Variants in USP9X observed in about 807,000 individuals in gnomAD.
The protein encoded by USP9X is ubiquitin carboxyl-terminal hydrolase 9X.
A neutral mutation model predicts 190.3 loss-of-function variants in USP9X; 7 were observed. The ratio of observed to expected loss-of-function variants is 0.04; its 90% CI spans 0.02 to 0.07. The LOEUF is 0.07. Ranked by LOEUF, USP9X falls within the 10% of genes least tolerant of loss-of-function variation. The pLI is 1.00. For synonymous variants in USP9X, 645 were observed against 659.5 expected (o/e 0.98, Z 0.34); for missense variants, 1,010 against 1,916.9 (o/e 0.53, Z 8.83).
chrX:41,218,241 A>G lies in USP9X; in HGVS notation c.6210-131A>G, dbSNP rs762679006. 10 of 580,840 alleles carry G rather than the reference A, an allele frequency of 1.7e-5. No homozygotes were observed. In the South Asian group the frequency reaches 2.2e-4, roughly 13 times the overall value. 47.9% of individuals were successfully genotyped at this position (580,840 alleles called of 1,213,427 possible). ...ATCTATTGTTTTAATATTAGAAGCA[A>G]CCTTTGCTGGTTCTCTCCAGCAGTA... On this transcript the variant is annotated intron_variant, in intron 36 of 44. Coordinates refer to ENST00000378308, the MANE Select transcript of USP9X (RefSeq NM_001039591.3).
At chrX:41,223,175 T>G (rs774341364) in intron 38 of USP9X, 42 bp from the exon 39 acceptor site, 2 of 1,163,082 alleles carry the variant, frequency 1.7e-6, no homozygotes, top group Admixed American at 5.3e-5. Context: ...CTCATATTTT[T>G]CTCCCTCTCT....
intron 4 of USP9X, 118 bp downstream of exon 4, chrX:41,131,654 G>T: frequency 1.9e-6 from 1 of 531,394 alleles, no homozygotes; most frequent in Non-Finnish European, 2.9e-6. Context: ...ACTGCAGCTT[G>T]CAAGGAGGGG....
rs757553294 is a variant in USP9X at position 41,140,725 on chromosome X, A to C, written c.724A>C (p.Ile242Leu). The C allele has an allele frequency of 1.7e-6, 2 of 1,203,921 alleles. No homozygotes were observed. Among genetic ancestry groups the C allele is most frequent in the Middle Eastern group, 2.3e-4 (1 of 4,339 alleles). Residue 242 changes from isoleucine to leucine, a missense_variant, in exon 7 of 45, where the codon ATT (isoleucine) becomes CTT (leucine). Coordinates refer to ENST00000378308, the MANE Select transcript of USP9X (RefSeq NM_001039591.3). ...GTTCCAGATTTTGCATGATCGTTTT[A>C]TTAATGGATCAGCATTAAACGTTCA... ...NGFQILHDRF[I>L]NGSALNVQII...
intron 33 of USP9X, among the ~76,000 whole-genome samples, chrX:41,210,972 T>C (rs1202967931): frequency 9.0e-6 from 1 of 111,151 alleles, no homozygotes; most frequent in Non-Finnish European, 1.9e-5. Context: ...CCTTTTTCTT[T>C]TCCTTTCTCT....
intron 1 of USP9X, among the ~76,000 whole-genome samples, chrX:41,111,016 AG>A (rs2062104766): frequency 9.0e-6 from 1 of 110,861 alleles, no homozygotes; most frequent in Non-Finnish European, 1.9e-5. Context: ...GGGAAGGGAG[AG>A]ATTTGACTTT....
chrX:41,187,860 A>C, intron 24 of USP9X, 132 bp from the exon 25 acceptor site: 1 of 612,349 alleles, frequency 1.6e-6, no homozygotes, highest in Non-Finnish European at 2.3e-6. Flanking sequence ...AGACAAAGGC[A>C]ACTTGGGAAT....
chrX:41,200,041 TAAG>T (rs758151632), intron 30 of USP9X, among the ~76,000 whole-genome samples: 3 of 112,009 alleles, frequency 2.7e-5, no homozygotes, highest in East Asian at 2.8e-4. Flanking sequence ...TTAGAACACT[TAAG>T]AATATAATTG....
intron 21 of USP9X, among the ~76,000 whole-genome samples, chrX:41,177,615 C>T (rs1029896883): frequency 8.9e-6 from 1 of 111,964 alleles, no homozygotes; most frequent in Non-Finnish European, 1.9e-5. Flanking sequence ...TTTGAGACTT[C>T]GTAACTATCT....
intron 12 of USP9X, among the ~76,000 whole-genome samples, chrX:41,149,925 C>T (rs1427270308): frequency 9.0e-6 from 1 of 110,561 alleles, no homozygotes; most frequent in Non-Finnish European, 1.9e-5. Context: ...AGGCTGGTCT[C>T]GAACTCCTGA....
In USP9X at chrX:41,188,068, T is replaced by C; in HGVS notation, c.3761T>C (p.Leu1254Ser). 8.3e-7 allele frequency: 1 copy of C among 1,210,131 alleles called. No individual in the cohort carries two copies. Among genetic ancestry groups the C allele is most frequent in the African/African-American group, 1.7e-5 (1 of 57,813 alleles). ...ATCTGGGCATCAGGATGTGGGTCGT[T>C]ACAGCTAGTATTTAGCCCAAATGAA... The part of the protein sequence containing the change: ...KIIWASGCGS[L>S]QLVFSPNEEI... Residue 1254 changes from leucine to serine, a missense_variant, in exon 25 of 45, where the codon TTA becomes TCA. Coordinates refer to ENST00000378308, the MANE Select transcript of USP9X (RefSeq NM_001039591.3).
Position 41,170,079 on chromosome X carries a change from T to C in USP9X, c.2721T>C (p.His907=). ...RQVDDLEVWS[H]TNDTIGSVRR... ...TTGATGACTTGGAGGTATGGTCTCA[T>C]ACAAATGATACAATTGGTTCAGTAC... Residue 907 remains histidine (H), a synonymous_variant, in exon 19 of 45, where the codon CAT becomes CAC. Transcript: ENST00000378308. 8.3e-7 allele frequency: 1 copy of C among 1,211,479 alleles called. No homozygotes were observed. Among genetic ancestry groups the C allele is most frequent in the Non-Finnish European group, 1.1e-6 (1 of 895,434 alleles).
At position 41,184,438 on chromosome X, in the gene USP9X, T is replaced by C; in HGVS notation, c.3321T>C (p.Ala1107=). ...TAATGCCTGCTGGTGCACCTCTGGC[T>C]GATGATTCCTCTGATTTTCAGTTTC... ...ALLMPAGAPL[A]DDSSDFQFHF... is the part of the protein sequence containing the mutation. Residue 1107 remains alanine, a synonymous_variant, in exon 23 of 45, where the codon GCT becomes GCC. Transcript: ENST00000378308. 1.7e-6 allele frequency: 2 copies of C among 1,211,527 alleles called. No homozygotes were observed. Among genetic ancestry groups the C allele is most frequent in the Non-Finnish European group, 2.2e-6 (2 of 895,460 alleles).
chrX:41,184,991 T>G (rs1475181219), intron 23 of USP9X, among the ~76,000 whole-genome samples: 1 of 112,023 alleles, frequency 8.9e-6, no homozygotes, highest in African/African-American at 3.2e-5. Context: ...TAATAAGAGA[T>G]ATAATTGGTT....
intron 32 of USP9X, among the ~76,000 whole-genome samples, chrX:41,208,475 A>G (rs1377536083): frequency 8.9e-6 from 1 of 111,998 alleles, no homozygotes; most frequent in Non-Finnish European, 1.9e-5. Flanking sequence ...CACTTTAGAC[A>G]CATAATCTAC....
At chrX:41,194,914 A>T (rs113593288) in intron 26 of USP9X, among the ~76,000 whole-genome samples, 14,582 of 111,263 alleles carry the variant, frequency 0.13, 893 homozygotes, top group East Asian at 0.21. Flanking sequence ...AGTGAGATCT[A>T]TATAGTACAT....
At chrX:41,205,011 T>C (rs779061680) in intron 31 of USP9X, 9 of 174,657 alleles carry the variant, frequency 5.2e-5, no homozygotes, top group African/African-American at 2.4e-4. Context: ...TCAAAGTTAC[T>C]TGGTTTATAA....
intron 33 of USP9X, among the ~76,000 whole-genome samples, chrX:41,211,164 A>G (rs2063154467): frequency 9.0e-6 from 1 of 111,408 alleles, no homozygotes; most frequent in African/African-American, 3.3e-5. Context: ...GCTAATTTGT[A>G]AATTTTTTTA....
rs2063011457 is a variant in USP9X, at chrX:41,198,626, T to A, written c.4479T>A (p.Gly1493=). The A allele has an allele frequency of 1.7e-6, 2 of 1,210,449 alleles. No homozygotes were observed. The highest frequency in any genetic ancestry group is 2.2e-6 in the Non-Finnish European group (2 of 895,229). ...CTGAACAGGCTATTCCGGTCTGTGG[T>A]TCACCACCTACAATTAATGCTGGTT... ...LPAEQAIPVC[G]SPPTINAGFE... The change falls in exon 30 of 45, where the codon GGT becomes GGA. Residue 1493 remains glycine (G), a synonymous_variant. Coordinates refer to ENST00000378308, the MANE Select transcript of USP9X (RefSeq NM_001039591.3).
intron 1 of USP9X, among the ~76,000 whole-genome samples, chrX:41,088,315 T>G (rs1317717272): frequency 2.7e-5 from 3 of 112,138 alleles, no homozygotes; most frequent in African/African-American, 9.7e-5. Context: ...GAGTCTTGTT[T>G]TTAATATCTT....
Sources: allele counts gnomAD v4.1 joint callset (sites outside exome capture counted in the v4.1 genomes callset), GRCh38; gene constraint gnomAD v4.1.1; transcripts MANE v1.5; gene names NCBI Gene and HGNC (gene_info 2026-07-23, HGNC 2026-07-21).